SIPA1L1: variants seen among roughly 807,000 people sequenced by gnomAD.
The protein encoded by SIPA1L1 is signal-induced proliferation-associated 1-like protein 1.
SIPA1L1 carries 26 observed loss-of-function variants against 162.7 expected under a neutral mutation model. The ratio of observed to expected loss-of-function variants is 0.16; its 90% CI spans 0.12 to 0.22. SIPA1L1 has a LOEUF of 0.22. Ranked by LOEUF, SIPA1L1 falls within the 10% of genes least tolerant of loss-of-function variation. SIPA1L1 has a pLI of 1.00. For missense variants in SIPA1L1, 1,874 were observed against 2,241.0 expected, an observed-to-expected ratio of 0.84 and a Z score of 3.31; for synonymous variants, 829 against 837.4, an observed-to-expected ratio of 0.99 and a Z score of 0.17.
intron 18 of SIPA1L1, 79 bp downstream of exon 18, chr14:71,723,965 AC>A: frequency 1.9e-6 from 3 of 1,557,042 alleles, no homozygotes; most frequent in Non-Finnish European, 2.6e-6. Flanking sequence ...GTGATCTCTT[AC>A]AACAAAAGAG....
intron 2 of SIPA1L1, among the ~76,000 whole-genome samples, chr14:71,487,860 C>G (rs946448790): frequency 1.3e-5 from 2 of 152,176 alleles, no homozygotes; most frequent in Non-Finnish European, 2.9e-5. Flanking sequence ...TGTCATTTAA[C>G]ACTTGAATAT....
chr14:71,421,656 T>C (rs775207229), intron 2 of SIPA1L1, among the ~76,000 whole-genome samples: 1 of 152,192 alleles, frequency 6.6e-6, no homozygotes, highest in Non-Finnish European at 1.5e-5. Context: ...ATATATATTA[T>C]AACAACAGAT....
At chr14:71,597,023 G>A (rs2036119491) in intron 5 of SIPA1L1, among the ~76,000 whole-genome samples, 1 of 152,116 alleles carries the variant, frequency 6.6e-6, no homozygotes, top group Non-Finnish European at 1.5e-5. Context: ...AGGCTGGAGT[G>A]CAGTGGCGTG....
intron 19 of SIPA1L1, among the ~76,000 whole-genome samples, chr14:71,726,899 A>G (rs1464580016): frequency 1.3e-5 from 2 of 152,152 alleles, no homozygotes; most frequent in Non-Finnish European, 2.9e-5. Context: ...TCCTGGCTCA[A>G]GGCTCTGAGT....
chr14:71,598,177 A>G, intron 5 of SIPA1L1: 2 of 982,978 alleles, frequency 2.0e-6, no homozygotes, highest in Non-Finnish European at 2.4e-6. Context: ...GTGGTTACCA[A>G]GACCACCAAT....
At chr14:71,539,843 A>G in intron 4 of SIPA1L1, among the ~76,000 whole-genome samples, 1 of 152,202 alleles carries the variant, frequency 6.6e-6, no homozygotes, top group East Asian at 1.9e-4. Context: ...CGATCTCCCA[A>G]AATAGCCAAG....
intron 12 of SIPA1L1, among the ~76,000 whole-genome samples, chr14:71,684,977 T>C (rs147928003): frequency 1.4e-3 from 210 of 152,176 alleles, no homozygotes; most frequent in Non-Finnish European, 2.5e-3. Flanking sequence ...TGGTGTGCAG[T>C]GGTGGGTGTG....
Position 71,500,023 on chromosome 14 carries a change from T to A in SIPA1L1, c.-464-12720T>A, listed in dbSNP as rs138888868. Among the ~76,000 whole-genome samples the A allele has an allele frequency of 2.0e-5, 3 of 152,342 alleles. No homozygotes were observed. The East Asian group carries it at 5.8e-4, about 29-fold the overall frequency. On this transcript the variant is annotated intron_variant, in intron 2 of 23. Coordinates refer to ENST00000381232, the MANE Select transcript of SIPA1L1 (RefSeq NM_001386936.1). Reference sequence around the variant, plus strand: ...TCTTTGCATAAACTTCTTTAAAATATCTATTATAAACATGCTAATATTAGT... The same window carrying A: ...TCTTTGCATAAACTTCTTTAAAATAACTATTATAAACATGCTAATATTAGT...
chr14:71,621,014 A>G (rs1171421309), intron 6 of SIPA1L1, among the ~76,000 whole-genome samples: 1 of 152,146 alleles, frequency 6.6e-6, no homozygotes. Context: ...CAGGCCAGAA[A>G]CCATTAAAGC....
At chr14:71,366,868 T>C (rs2038349739) in intron 2 of SIPA1L1, among the ~76,000 whole-genome samples, 2 of 152,228 alleles carry the variant, frequency 1.3e-5, no homozygotes, top group African/African-American at 4.8e-5. Context: ...AAGTGCTTTT[T>C]AAAACTTATT....
intron 17 of SIPA1L1, among the ~76,000 whole-genome samples, chr14:71,720,645 T>C (rs2083640759): frequency 2.0e-5 from 3 of 152,178 alleles, no homozygotes; most frequent in Admixed American, 2.0e-4. Context: ...TTTTTCTTTT[T>C]TCTACTGTGA....
chr14:71,604,838 G>A (rs763898722), intron 5 of SIPA1L1, among the ~76,000 whole-genome samples: 8 of 152,018 alleles, frequency 5.3e-5, no homozygotes, highest in Non-Finnish European at 1.2e-4. Context: ...GCTTTTGATG[G>A]TTTGACCAAA....
chr14:71,636,105 TATAGTTG>T (rs2041119788), intron 7 of SIPA1L1, among the ~76,000 whole-genome samples: 2 of 152,118 alleles, frequency 1.3e-5, no homozygotes, highest in Non-Finnish European at 2.9e-5. Context: ...AATACACAAT[TATAGTTG>T]GTGATTTTAA....
intron 4 of SIPA1L1, among the ~76,000 whole-genome samples, chr14:71,559,410 T>G (rs1355530054): frequency 6.6e-6 from 1 of 152,186 alleles, no homozygotes; most frequent in African/African-American, 2.4e-5. Flanking sequence ...AAGGAAGTTT[T>G]TCCAACTTTT....
rs936056547 is a variant in SIPA1L1, at chr14:71,685,777, C to T, written c.3374+146C>T. 12 of 1,058,798 alleles carry T rather than the reference C, an allele frequency of 1.1e-5. No homozygotes were observed. In the Admixed American group the frequency reaches 3.1e-4, roughly 27 times the overall value. The allele number at this position is 1,058,798 out of a possible 1,614,324, so 65.6% of individuals were successfully genotyped here. ...GTGCATACCGTAGTGACTTTCAAAG[C>T]ATGGTAGTGTTCCAAAGCCATAAGG... On this transcript the variant is annotated intron_variant, in intron 13 of 23. Transcript: ENST00000381232.
At chr14:71,399,515 A>G (rs186927043) in intron 2 of SIPA1L1, among the ~76,000 whole-genome samples, 3 of 151,810 alleles carry the variant, frequency 2.0e-5, no homozygotes. Flanking sequence ...AGCAATCCTG[A>G]CATCTTAACC....
chr14:71,597,606 A>G (rs1029421377), intron 5 of SIPA1L1, among the ~76,000 whole-genome samples: 23 of 152,164 alleles, frequency 1.5e-4, no homozygotes, highest in African/African-American at 5.3e-4. Flanking sequence ...TAAAGGAGCA[A>G]TGATCAGGCT....
chr14:71,617,649 T>G (rs1253294908), intron 5 of SIPA1L1, among the ~76,000 whole-genome samples: 1 of 152,260 alleles, frequency 6.6e-6, no homozygotes, highest in Non-Finnish European at 1.5e-5. Flanking sequence ...CTATTTTTTC[T>G]TATTATTCTC....
At chr14:71,493,718 A>C (rs1442352839) in intron 2 of SIPA1L1, among the ~76,000 whole-genome samples, 1 of 152,246 alleles carries the variant, frequency 6.6e-6, no homozygotes, top group Non-Finnish European at 1.5e-5. Context: ...AGTGAAGCTG[A>C]TACTATAAAG....
Sources: gnomAD v4.1 joint callset for allele counts (sites outside exome capture counted in the v4.1 genomes callset) on GRCh38, gnomAD v4.1.1 for gene constraint, MANE v1.5 for transcripts, NCBI Gene and HGNC (gene_info 2026-07-23, HGNC 2026-07-21) for gene names.